Variants in CAMK2D observed in about 807,000 individuals in gnomAD.
CAMK2D encodes the protein calcium/calmodulin-dependent protein kinase type II subunit delta.
A neutral mutation model predicts 84.0 loss-of-function variants in CAMK2D; 37 were observed. The ratio of observed to expected loss-of-function variants is 0.44; its 90% CI spans 0.34 to 0.58. CAMK2D has a LOEUF of 0.58. Ranked by LOEUF, CAMK2D falls within the 20% of genes least tolerant of loss-of-function variation. The probability of loss-of-function intolerance (pLI) is 0.02; values close to 1 mark genes in which losing one functional copy is unlikely to be tolerated. For missense variants in CAMK2D, 448 were observed against 652.5 expected, an observed-to-expected ratio of 0.69 and a Z score of 3.41; for synonymous variants, 202 against 212.5, an observed-to-expected ratio of 0.95 and a Z score of 0.43.
chr4:113,501,857 G>A (rs1013845195), intron 15 of CAMK2D, among the ~76,000 whole-genome samples: 1 of 152,048 alleles, frequency 6.6e-6, no homozygotes, highest in Non-Finnish European at 1.5e-5. Flanking sequence ...CATATGTGAT[G>A]GTCCTGACTA....
intron 2 of CAMK2D, among the ~76,000 whole-genome samples, chr4:113,729,829 A>G (rs1038942953): frequency 7.2e-5 from 11 of 152,204 alleles, no homozygotes; most frequent in Admixed American, 3.9e-4. Context: ...CCTTTCCACC[A>G]TATGAAAACA....
At chr4:113,454,615 T>G (rs1166413061) in intron 20 of CAMK2D, 100 bp from the exon 21 acceptor site, 5 of 721,960 alleles carry the variant, frequency 6.9e-6, no homozygotes, top group Middle Eastern at 6.4e-4. Flanking sequence ...GTTTTATAAC[T>G]TGGCTAACAA....
chr4:113,607,450 T>C (rs1037906003), intron 4 of CAMK2D, among the ~76,000 whole-genome samples: 1 of 152,120 alleles, frequency 6.6e-6, no homozygotes, highest in Non-Finnish European at 1.5e-5. Context: ...CTGGAGCAAC[T>C]GAGGAACCGC....
At chr4:113,458,553 C>A (rs112791636) in intron 18 of CAMK2D, among the ~76,000 whole-genome samples, 1 of 152,020 alleles carries the variant, frequency 6.6e-6, no homozygotes, top group Admixed American at 6.6e-5. Context: ...TGAGTTAATT[C>A]TTTCATTAGG....
intron 4 of CAMK2D, among the ~76,000 whole-genome samples, chr4:113,607,623 G>A (rs752559726): frequency 6.6e-6 from 1 of 150,454 alleles, no homozygotes; most frequent in African/African-American, 2.5e-5. Flanking sequence ...CCCTGTCCCC[G>A]CCCGCAAGAG....
intron 18 of CAMK2D, among the ~76,000 whole-genome samples, chr4:113,459,411 G>GTC (rs1442554504): frequency 6.6e-6 from 1 of 151,884 alleles, no homozygotes; most frequent in Non-Finnish European, 1.5e-5. Context: ...TAGAGATGGG[G>GTC]TCTCACTATG....
chr4:113,751,655 AG>A, intron 2 of CAMK2D, among the ~76,000 whole-genome samples: 1 of 152,234 alleles, frequency 6.6e-6, no homozygotes, highest in South Asian at 2.1e-4. Context: ...CTGTAATCCC[AG>A]CTACTCAGGA....
chr4:113,516,982 GTA>G (rs768565221), intron 9 of CAMK2D, among the ~76,000 whole-genome samples: 2 of 151,240 alleles, frequency 1.3e-5, no homozygotes, highest in Admixed American at 6.6e-5. Flanking sequence ...ATTTATGAAT[GTA>G]TATATATATA....
chr4:113,714,531 G>T (rs1293564863), intron 2 of CAMK2D, among the ~76,000 whole-genome samples: 1 of 152,034 alleles, frequency 6.6e-6, no homozygotes, highest in East Asian at 1.9e-4. Flanking sequence ...TGCAAGAGAT[G>T]CACTCTGATT....
rs764413581 is a variant in CAMK2D at position 113,515,062 on chromosome 4, T to A, written c.819+7A>T. On this transcript the variant is annotated splice_region_variant and intron_variant, in intron 10 of 20. Transcript: ENST00000511664. ...AGTTCTTGAAGTTTTGGAGAAGTTTTACTTACACAGATCCATGGGTGCTTC... is the reference window on the plus strand; with the variant it reads ...AGTTCTTGAAGTTTTGGAGAAGTTTAACTTACACAGATCCATGGGTGCTTC... 5 of 1,612,902 alleles carry A rather than the reference T, an allele frequency of 3.1e-6. No homozygotes were observed. The highest frequency in any genetic ancestry group is 8.5e-7 in the Non-Finnish European group (1 of 1,179,108).
intron 11 of CAMK2D, 143 bp from the exon 12 acceptor site, chr4:113,513,513 T>A (rs2098246283): frequency 1.5e-6 from 1 of 686,806 alleles, no homozygotes; most frequent in African/African-American, 1.8e-5. Flanking sequence ...GTTTTTTGGT[T>A]TCCTGAGAGT....
At chr4:113,460,681 T>C (rs1358632849) in intron 17 of CAMK2D, among the ~76,000 whole-genome samples, 1 of 151,344 alleles carries the variant, frequency 6.6e-6, no homozygotes, top group Non-Finnish European at 1.5e-5. Flanking sequence ...GCAATAATAA[T>C]AATAATAATT....
chr4:113,505,989 C>T (rs1175938037), intron 13 of CAMK2D, among the ~76,000 whole-genome samples: 1 of 151,958 alleles, frequency 6.6e-6, no homozygotes, highest in Non-Finnish European at 1.5e-5. Context: ...GGTTCTCAAA[C>T]AAAAATGTAA....
rs1433364044 is a variant in CAMK2D, at chr4:113,452,174, G to T, written c.*2371C>A. 3 of 149,926 alleles carry T rather than the reference G, an allele frequency of 2.0e-5. No homozygotes were observed. In the East Asian group the frequency reaches 5.8e-4, roughly 29 times the overall value. The allele number at this position is 149,926 out of a possible 1,614,324, so 9.3% of individuals were successfully genotyped here. On this transcript the variant is annotated 3_prime_UTR_variant, in exon 21 of 21. Transcript: ENST00000511664. ...AAGCAGCCATGTGAAGGCTGGATTG[G>T]AGGGTACAGTTTAGAGAAGCTTTTA...
intron 2 of CAMK2D, among the ~76,000 whole-genome samples, chr4:113,675,362 C>T (rs948483785): frequency 6.6e-6 from 1 of 152,154 alleles, no homozygotes; most frequent in African/African-American, 2.4e-5. Flanking sequence ...AACTTACATA[C>T]TTTCATAAGC....
rs536068961 is a variant in CAMK2D at position 113,570,476 on chromosome 4, A to G, written c.276-18380T>C. Among the ~76,000 whole-genome samples, 7 of 152,316 alleles carry G rather than the reference A, an allele frequency of 4.6e-5. No individual in the cohort carries two copies. In the South Asian group the frequency reaches 1.4e-3, roughly 32 times the overall value. ...CACAGACCAATAGAAGAGAACTGAGAGCCTAGAAACAAATACATACATTTA... is the reference window on the plus strand; with the variant it reads ...CACAGACCAATAGAAGAGAACTGAGGGCCTAGAAACAAATACATACATTTA... On this transcript the variant is annotated intron_variant, in intron 4 of 20. Transcript: ENST00000511664.
At chr4:113,527,903 C>T (rs2098432420) in intron 8 of CAMK2D, among the ~76,000 whole-genome samples, 1 of 151,998 alleles carries the variant, frequency 6.6e-6, no homozygotes, top group African/African-American at 2.4e-5. Flanking sequence ...TATGGTGACA[C>T]ATTTGAAACA....
intron 2 of CAMK2D, among the ~76,000 whole-genome samples, chr4:113,740,668 A>C (rs768202203): frequency 6.6e-6 from 1 of 152,114 alleles, no homozygotes; most frequent in Non-Finnish European, 1.5e-5. Context: ...TGAGATGACT[A>C]CTAGATCTAA....
At chr4:113,724,185 T>C (rs560792631) in intron 2 of CAMK2D, among the ~76,000 whole-genome samples, 1 of 152,208 alleles carries the variant, frequency 6.6e-6, no homozygotes, top group South Asian at 2.1e-4. Context: ...TCGTATGTTT[T>C]GGATTACTTT....
Sources: allele counts gnomAD v4.1 joint callset (sites outside exome capture counted in the v4.1 genomes callset), GRCh38; gene constraint gnomAD v4.1.1; transcripts MANE v1.5; gene names NCBI Gene and HGNC (gene_info 2026-07-23, HGNC 2026-07-21).